Variants in CAST observed in about 807,000 individuals in gnomAD.
The protein encoded by CAST is MIR583 host.
CAST carries 76 observed loss-of-function variants against 119.6 expected under a neutral mutation model. That is an observed-to-expected ratio of 0.64 (90% confidence interval 0.53 to 0.77). The LOEUF is 0.77. Ranked by LOEUF, CAST falls within the 30% of genes least tolerant of loss-of-function variation. The probability of loss-of-function intolerance (pLI) is 0.00; values close to 1 mark genes in which losing one functional copy is unlikely to be tolerated. For missense variants in CAST, 953 were observed against 946.5 expected (o/e 1.01, Z -0.09); for synonymous variants, 319 against 331.6 (o/e 0.96, Z 0.41).
the CAST span, among the ~76,000 whole-genome samples, chr5:95,979,125 A>G: frequency 6.6e-6 from 1 of 152,214 alleles, no homozygotes; most frequent in Non-Finnish European, 1.5e-5. Context: ...CGTCCCCTAT[A>G]ATATTCACTG....
the CAST span, among the ~76,000 whole-genome samples, chr5:96,325,744 T>C: frequency 6.6e-6 from 1 of 152,124 alleles, no homozygotes; most frequent in South Asian, 2.1e-4. Flanking sequence ...CTTCCCGAGG[T>C]GCTCGGATTA....
At chr5:96,253,709 G>A in the CAST span, among the ~76,000 whole-genome samples, 1 of 151,986 alleles carries the variant, frequency 6.6e-6, no homozygotes, top group Non-Finnish European at 1.5e-5. Context: ...TTTGACAAAG[G>A]AAGGGAAAAG....
the CAST span, chr5:96,393,027 C>A: frequency 6.2e-7 from 1 of 1,614,148 alleles, no homozygotes. Flanking sequence ...AGAATGTCCA[C>A]CAGAGCTTGA....
chr5:96,304,193 A>G, the CAST span, among the ~76,000 whole-genome samples: 1 of 152,230 alleles, frequency 6.6e-6, no homozygotes, highest in East Asian at 1.9e-4. Context: ...CATTTCTCTA[A>G]TGACAAGTGA....
the CAST span, among the ~76,000 whole-genome samples, chr5:96,274,841 G>A: frequency 1.3e-5 from 2 of 152,142 alleles, no homozygotes; most frequent in East Asian, 1.9e-4. Context: ...TGGCTCTAAT[G>A]TTCTGGAGAA....
the CAST span, among the ~76,000 whole-genome samples, chr5:96,441,029 C>G: frequency 6.6e-6 from 1 of 152,162 alleles, no homozygotes; most frequent in African/African-American, 2.4e-5. Flanking sequence ...TTGAACATGT[C>G]TTTGCTTTGG....
chr5:96,642,833 G>A (rs1747968827), intron 1 of CAST, among the ~76,000 whole-genome samples: 1 of 152,158 alleles, frequency 6.6e-6, no homozygotes, highest in African/African-American at 2.4e-5. Flanking sequence ...ACAGGTGTGA[G>A]CCACCACGCC....
chr5:96,033,198 C>CCCA, the CAST span, among the ~76,000 whole-genome samples: 1 of 152,084 alleles, frequency 6.6e-6, no homozygotes, highest in Middle Eastern at 3.4e-3. Context: ...GTAAGGATAT[C>CCCA]CCATGTTGAT....
intron 1 of CAST, among the ~76,000 whole-genome samples, chr5:96,552,038 G>A (rs939030054): frequency 9.9e-5 from 15 of 152,064 alleles, no homozygotes; most frequent in African/African-American, 3.6e-4. Context: ...GGATATCCAC[G>A]ACTTGAACTC....
At chr5:96,556,429 G>T (rs1746241702) in intron 1 of CAST, among the ~76,000 whole-genome samples, 1 of 152,142 alleles carries the variant, frequency 6.6e-6, no homozygotes, top group African/African-American at 2.4e-5. Context: ...AGGAGGAAGT[G>T]CGAACCCATG....
the CAST span, among the ~76,000 whole-genome samples, chr5:96,351,639 T>C: frequency 2.0e-5 from 3 of 152,134 alleles, no homozygotes; most frequent in South Asian, 6.2e-4. Flanking sequence ...GTATTACGTA[T>C]CTGGAGTCAT....
chr5:96,746,331 A>G lies in CAST; in HGVS notation c.1201-11A>G, dbSNP rs997345095. ...TCCAACTACTTTTTTTTTCCCCTCC[A>G]TTTTCATCAGGCAAAAGCTAAAGAA... On this transcript the variant is annotated splice_polypyrimidine_tract_variant and intron_variant, in intron 16 of 31. Transcript: ENST00000675179. 6.4e-7 allele frequency: 1 copy of G among 1,561,406 alleles called. No individual in the cohort carries two copies.
At chr5:96,531,198 G>C (rs1745682620) in intron 1 of CAST, among the ~76,000 whole-genome samples, 1 of 152,180 alleles carries the variant, frequency 6.6e-6, no homozygotes, top group Non-Finnish European at 1.5e-5. Flanking sequence ...AAAGCAGATG[G>C]AAGAGTGATT....
At chr5:96,016,892 A>G in the CAST span, among the ~76,000 whole-genome samples, 1 of 136,012 alleles carries the variant, frequency 7.4e-6, no homozygotes, top group Non-Finnish European at 1.5e-5. Flanking sequence ...GCTAGAGTGC[A>G]GTGGCACAAT....
At chr5:96,736,092 T>C (rs1761578367) in intron 9 of CAST, 80 bp from the exon 10 acceptor site, 1 of 838,400 alleles carries the variant, frequency 1.2e-6, no homozygotes, top group Non-Finnish European at 1.9e-6. Context: ...GTTAATATAA[T>C]GAATTTATTT....
intron 1 of CAST, among the ~76,000 whole-genome samples, chr5:96,538,058 A>C (rs1745848970): frequency 6.9e-6 from 1 of 145,060 alleles, no homozygotes; most frequent in African/African-American, 2.6e-5. Flanking sequence ...CCCTCTGAAA[A>C]CCCCAGTCAG....
At chr5:96,530,439 T>C (rs1745671127) in intron 1 of CAST, among the ~76,000 whole-genome samples, 1 of 152,116 alleles carries the variant, frequency 6.6e-6, no homozygotes, top group South Asian at 2.1e-4. Flanking sequence ...GAAATATCTA[T>C]GAAACATTGA....
At chr5:96,455,727 T>C in the CAST span, among the ~76,000 whole-genome samples, 3 of 152,224 alleles carry the variant, frequency 2.0e-5, no homozygotes, top group Non-Finnish European at 4.4e-5. Context: ...AACCATTGCC[T>C]CCTCACAGAG....
chr5:96,628,881 G>A (rs1203062503), intron 1 of CAST, among the ~76,000 whole-genome samples: 2 of 152,142 alleles, frequency 1.3e-5, no homozygotes, highest in East Asian at 1.9e-4. Context: ...GGTCATAAAG[G>A]CCCAGCCATT....
Sources: gnomAD v4.1 joint callset for allele counts (sites outside exome capture counted in the v4.1 genomes callset) on GRCh38, gnomAD v4.1.1 for gene constraint, MANE v1.5 for transcripts, NCBI Gene and HGNC (gene_info 2026-07-23, HGNC 2026-07-21) for gene names.